MAP7: variants seen among roughly 807,000 people sequenced by gnomAD.
MAP7 encodes the protein ensconsin.
In MAP7, 52 loss-of-function variants were observed where a neutral mutation model predicts 94.8. The observed-to-expected ratio is 0.55, with a 90% CI of 0.44 to 0.69. The LOEUF is 0.69. MAP7 is among the 30% of genes least tolerant of loss of function. The pLI is 0.00. For missense variants in MAP7, 940 were observed against 964.6 expected (o/e 0.97, Z 0.34); for synonymous variants, 350 against 357.0 (o/e 0.98, Z 0.22).
At chr6:136,521,314 A>G (rs1301507931) in intron 1 of MAP7, among the ~76,000 whole-genome samples, 1 of 152,228 alleles carries the variant, frequency 6.6e-6, no homozygotes, top group Non-Finnish European at 1.5e-5. Context: ...TAATGGGCAG[A>G]TATTTCCATT....
chr6:136,359,966 C>T lies in MAP7; in HGVS notation c.1854+15G>A, dbSNP rs776961195. On this transcript the variant is annotated intron_variant, in intron 14 of 17. Coordinates refer to ENST00000354570, the MANE Select transcript of MAP7 (RefSeq NM_003980.6). ...AAAGCATACAAAAGTAGTTAGAAAA[C>T]GGCCATGTCAATACCTTATCTGTAG... 15 of 1,611,898 alleles carry T rather than the reference C, an allele frequency of 9.3e-6. No individual in the cohort carries two copies. The Middle Eastern group carries it at 4.9e-4, about 53-fold the overall frequency.
Position 136,418,360 on chromosome 6 carries a change from G to A in MAP7, c.166+3341C>T, listed in dbSNP as rs561908804. The stretch of plus-strand genomic sequence containing the variant: ...CTCCTGAGTAGCTGGGGTTATGGGC[G>A]CGCACTACCATGCCTGGCTAATTTT... On this transcript the variant is annotated intron_variant, in intron 2 of 17. Coordinates refer to ENST00000354570, the MANE Select transcript of MAP7 (RefSeq NM_003980.6). 1.4e-4 allele frequency among the ~76,000 whole-genome samples: 22 copies of A among 152,158 alleles called. No individual in the cohort carries two copies. In the South Asian group the frequency reaches 3.1e-3, roughly 22 times the overall value.
Position 136,359,967 on chromosome 6 carries a change from G to A in MAP7, c.1854+14C>T, listed in dbSNP as rs761766809. The A allele has an allele frequency of 6.2e-6, 10 of 1,612,130 alleles. No individual in the cohort carries two copies. Among genetic ancestry groups the A allele is most frequent in the South Asian group, 1.1e-5 (1 of 90,498 alleles). ...AAGCATACAAAAGTAGTTAGAAAAC[G>A]GCCATGTCAATACCTTATCTGTAGC... is the stretch of plus-strand genomic sequence containing the variant. On this transcript the variant is annotated intron_variant, in intron 14 of 17. Coordinates refer to ENST00000354570, the MANE Select transcript of MAP7 (RefSeq NM_003980.6).
rs1162626402 is a variant in MAP7, at chr6:136,365,751, T to C, written c.1257A>G (p.Glu419=). ...TGCTCTTACCAGGGCCAACTTCTGG[T>C]TCAGCAGGTGTCCGCTCTTCAACTG... ...EATVEERTPA[E]PEVGPAAPAM... Residue 419 remains glutamate, a synonymous_variant, in exon 10 of 18, where the codon GAA becomes GAG. Transcript: ENST00000354570. The C allele has an allele frequency of 6.2e-7, 1 of 1,613,556 alleles. No individual in the cohort carries two copies. Among genetic ancestry groups the C allele is most frequent in the African/African-American group, 1.3e-5 (1 of 74,808 alleles).
chr6:136,398,592 A>G (rs766147518), intron 3 of MAP7, among the ~76,000 whole-genome samples: 15 of 152,182 alleles, frequency 9.9e-5, no homozygotes, highest in Non-Finnish European at 2.1e-4. Context: ...GTGGTAGTGA[A>G]TAAGTCTCAA....
chr6:136,480,905 C>G (rs895530415), intron 1 of MAP7, among the ~76,000 whole-genome samples: 1 of 152,066 alleles, frequency 6.6e-6, no homozygotes, highest in African/African-American at 2.4e-5. Context: ...ATGTAAGGAG[C>G]ACAAACAGCT....
chr6:136,550,286 C>G lies in MAP7; in HGVS notation c.67+56G>C. 2 of 1,404,526 alleles carry G rather than the reference C, an allele frequency of 1.4e-6. No homozygotes were observed. Among genetic ancestry groups the G allele is most frequent in the Non-Finnish European group, 1.9e-6 (2 of 1,072,676 alleles). The allele number at this position is 1,404,526 out of a possible 1,614,324, so 87.0% of individuals were successfully genotyped here. A position where few individuals can be genotyped will look rare whatever the true frequency, so the allele number is the denominator to read the frequency against. On this transcript the variant is annotated intron_variant, in intron 1 of 17. Transcript: ENST00000354570. This position sits in a 1 kb window ranked among gnomAD's most constrained non-coding sequence, Gnocchi z 5.1. Reference sequence around the variant, plus strand: ...GGTGATTTCGGTGCCAGCCCGCCGGCCCCGCTCGCCGTCCCCTGCCCGACG... The same window carrying G: ...GGTGATTTCGGTGCCAGCCCGCCGGGCCCGCTCGCCGTCCCCTGCCCGACG...
chr6:136,533,503 T>C (rs1345588427), intron 1 of MAP7, among the ~76,000 whole-genome samples: 2 of 152,208 alleles, frequency 1.3e-5, no homozygotes, highest in Non-Finnish European at 2.9e-5. Context: ...GTGAAGAACA[T>C]TCATTTCAGA....
chr6:136,388,931 G>C (rs1354157463), intron 4 of MAP7, among the ~76,000 whole-genome samples: 7 of 152,146 alleles, frequency 4.6e-5, no homozygotes, highest in Non-Finnish European at 1.0e-4. Flanking sequence ...ATGACCTTGT[G>C]TACCTTACCC....
At position 136,377,876 on chromosome 6, in the gene MAP7, T is replaced by C. The variant is rs371498059; in HGVS notation, c.638-8A>G. ...TGAGCTGCAGGCGGCGAGCTAAACG[T>C]CACCACATAAGCAAGATGTTAGAAG... On this transcript the variant is annotated splice_region_variant and splice_polypyrimidine_tract_variant and intron_variant, in intron 6 of 17. Coordinates refer to ENST00000354570, the MANE Select transcript of MAP7 (RefSeq NM_003980.6). 3.0e-4 allele frequency: 481 copies of C among 1,598,124 alleles called. No individual in the cohort carries two copies. Among genetic ancestry groups the C allele is most frequent in the Non-Finnish European group, 3.8e-4 (438 of 1,166,070 alleles).
intron 1 of MAP7, among the ~76,000 whole-genome samples, chr6:136,458,285 A>G (rs1263676046): frequency 7.2e-5 from 11 of 152,202 alleles, no homozygotes. Context: ...AAAGATACAA[A>G]TAAATGGAAA....
intron 7 of MAP7, among the ~76,000 whole-genome samples, chr6:136,376,679 T>C (rs1434428188): frequency 6.6e-6 from 1 of 152,188 alleles, no homozygotes; most frequent in Non-Finnish European, 1.5e-5. Flanking sequence ...GTCTGCCCAT[T>C]TTCTAAGTGG....
At position 136,548,772 on chromosome 6, in the gene MAP7, A is replaced by G. The variant is rs1057462492; in HGVS notation, c.67+1570T>C. On this transcript the variant is annotated intron_variant, in intron 1 of 17. Coordinates refer to ENST00000354570, the MANE Select transcript of MAP7 (RefSeq NM_003980.6). ...AGTTTATTTTTGAGCACAAACTAAC[A>G]CTTAGCTCGCTAGAACAATGTTGTT... Among the ~76,000 whole-genome samples, 9 of 152,332 alleles carry G rather than the reference A, an allele frequency of 5.9e-5. No individual in the cohort carries two copies. In the East Asian group the frequency reaches 1.5e-3, roughly 26 times the overall value.
At chr6:136,526,066 G>C in intron 1 of MAP7, 1 of 1,435,818 alleles carries the variant, frequency 7.0e-7, no homozygotes, top group Non-Finnish European at 9.0e-7. Flanking sequence ...TAAGCTGCCT[G>C]TTCATTTGAG....
At chr6:136,516,577 T>C (rs1227292131) in intron 1 of MAP7, among the ~76,000 whole-genome samples, 1 of 152,140 alleles carries the variant, frequency 6.6e-6, no homozygotes, top group Non-Finnish European at 1.5e-5. Flanking sequence ...CGAGACAGTA[T>C]CTACTTCACC....
At chr6:136,529,281 AT>A (rs57942435) in intron 1 of MAP7, among the ~76,000 whole-genome samples, 51,363 of 149,974 alleles carry the variant, frequency 0.34, 13,236 homozygotes, top group African/African-American at 0.73. Context: ...CACCCAGCTA[AT>A]TTTTTTTTTG....
chr6:136,435,734 A>G (rs1796212283), intron 1 of MAP7, among the ~76,000 whole-genome samples: 1 of 152,218 alleles, frequency 6.6e-6, no homozygotes, highest in Non-Finnish European at 1.5e-5. Flanking sequence ...GGAAAGAAGG[A>G]GAAAAATTAT....
intron 12 of MAP7, 93 bp downstream of exon 12, chr6:136,360,912 G>T (rs563738953): frequency 1.3e-6 from 2 of 1,546,246 alleles, no homozygotes; most frequent in African/African-American, 1.4e-5. Flanking sequence ...TGGAAAGCGG[G>T]AGCACCAGCA....
intron 16 of MAP7, among the ~76,000 whole-genome samples, chr6:136,351,303 T>C (rs958888340): frequency 1.3e-5 from 2 of 151,708 alleles, no homozygotes; most frequent in East Asian, 3.9e-4. Flanking sequence ...GAAGATGGGA[T>C]ACCAGGAACA....
Sources: allele counts gnomAD v4.1 joint callset (sites outside exome capture counted in the v4.1 genomes callset), GRCh38; gene constraint gnomAD v4.1.1; non-coding constraint Gnocchi (gnomAD v3.1); transcripts MANE v1.5; gene names NCBI Gene and HGNC (gene_info 2026-07-23, HGNC 2026-07-21).